Variants in GRM7 observed in about 807,000 individuals in gnomAD.
GRM7 encodes the protein glutamate metabotropic receptor 7, also known as metabotropic glutamate receptor 7.
A neutral mutation model predicts 84.5 loss-of-function variants in GRM7; 35 were observed. The observed-to-expected ratio is 0.41, with a 90% CI of 0.32 to 0.55. GRM7 has a LOEUF of 0.55. Among genes scored for constraint, GRM7 ranks in the 20% least tolerant of loss-of-function variants. The probability of loss-of-function intolerance (pLI) is 0.19; values close to 1 mark genes in which losing one functional copy is unlikely to be tolerated. For missense variants in GRM7, 1,003 were observed against 1,194.6 expected, an observed-to-expected ratio of 0.84 and a Z score of 2.36; for synonymous variants, 487 against 455.1, an observed-to-expected ratio of 1.07 and a Z score of -0.89.
At chr3:7,502,820 G>A (rs1460170898) in intron 7 of GRM7, among the ~76,000 whole-genome samples, 3 of 152,132 alleles carry the variant, frequency 2.0e-5, no homozygotes, top group Non-Finnish European at 2.9e-5. Context: ...AGTTTATGTT[G>A]TTGCTGTTGT....
At chr3:7,024,045 C>T (rs1174279227) in intron 1 of GRM7, among the ~76,000 whole-genome samples, 1 of 152,172 alleles carries the variant, frequency 6.6e-6, no homozygotes, top group Admixed American at 6.5e-5. Flanking sequence ...GGCCCACTCC[C>T]TTACAGGACA....
At position 7,578,753 on chromosome 3, in the gene GRM7, A is replaced by T; in HGVS notation, c.1847A>T (p.Asn616Ile). Residue 616 changes from asparagine (N) to isoleucine (I), a missense_variant, in exon 8 of 10, where the codon AAT becomes ATT. By Grantham distance (149) the Asn-to-Ile change is moderately radical. Transcript: ENST00000357716. ...IFVMATFIRYNDTPIVRASGR... is the reference protein window; with the variant it reads ...IFVMATFIRYIDTPIVRASGR... ...GTCATGGCCACTTTCATCCGCTACA[A>T]TGACACGCCCATTGTCCGGGCATCT... 1 of 1,614,004 alleles carries T rather than the reference A, an allele frequency of 6.2e-7. No homozygotes were observed. The highest frequency in any genetic ancestry group is 8.5e-7 in the Non-Finnish European group (1 of 1,179,958).
chr3:7,368,589 C>T (rs1464857833), intron 4 of GRM7, among the ~76,000 whole-genome samples: 1 of 151,900 alleles, frequency 6.6e-6, no homozygotes, highest in Admixed American at 6.6e-5. Context: ...TTATGGTATT[C>T]CTTAGGGAGC....
chr3:7,050,599 C>A (rs1215443986), intron 1 of GRM7, among the ~76,000 whole-genome samples: 1 of 151,866 alleles, frequency 6.6e-6, no homozygotes, highest in African/African-American at 2.4e-5. Context: ...CATGCATTTA[C>A]TTTCAAAGGT....
At chr3:6,880,308 A>G (rs1695462006) in intron 1 of GRM7, among the ~76,000 whole-genome samples, 1 of 152,180 alleles carries the variant, frequency 6.6e-6, no homozygotes, top group South Asian at 2.1e-4. Context: ...CAAAGGGTGC[A>G]ATTACATAAT....
chr3:7,726,435 A>AGTAAAAT (rs1205191456), intron 9 of GRM7, among the ~76,000 whole-genome samples: 1 of 151,746 alleles, frequency 6.6e-6, no homozygotes, highest in African/African-American at 2.4e-5. Context: ...AAATGTACAA[A>AGTAAAAT]GTAAAATGTA....
chr3:7,384,203 AT>A (rs1415447324), intron 4 of GRM7, among the ~76,000 whole-genome samples: 1 of 151,902 alleles, frequency 6.6e-6, no homozygotes, highest in Non-Finnish European at 1.5e-5. Flanking sequence ...TAATTTTTAC[AT>A]TTTTAGTAGA....
intron 1 of GRM7, among the ~76,000 whole-genome samples, chr3:6,972,612 G>A (rs1693803206): frequency 6.6e-6 from 1 of 152,186 alleles, no homozygotes; most frequent in South Asian, 2.1e-4. Context: ...ACTTGTGAAA[G>A]GAAAAGAGAG....
chr3:7,058,452 ATTAC>A (rs1300750595), intron 1 of GRM7, among the ~76,000 whole-genome samples: 2 of 151,824 alleles, frequency 1.3e-5, no homozygotes, highest in Non-Finnish European at 2.9e-5. Flanking sequence ...AGAGGAACAA[ATTAC>A]TTATGCTTCT....
chr3:7,312,456 G>A (rs1372264415), intron 4 of GRM7, among the ~76,000 whole-genome samples: 2 of 152,076 alleles, frequency 1.3e-5, no homozygotes, highest in African/African-American at 2.4e-5. Flanking sequence ...AGAGCCATGT[G>A]GGAAAGTGTC....
intron 7 of GRM7, among the ~76,000 whole-genome samples, chr3:7,531,445 C>T (rs986450209): frequency 6.6e-6 from 1 of 152,118 alleles, no homozygotes; most frequent in Non-Finnish European, 1.5e-5. Context: ...TATCCATGAG[C>T]ATGGAATGTT....
chr3:7,367,183 C>A (rs542359026), intron 4 of GRM7, among the ~76,000 whole-genome samples: 1 of 151,588 alleles, frequency 6.6e-6, no homozygotes, highest in South Asian at 2.1e-4. Flanking sequence ...ATCCTAAAAT[C>A]ATCTAAAATT....
At chr3:7,345,858 T>G (rs552960085) in intron 4 of GRM7, among the ~76,000 whole-genome samples, 4 of 151,916 alleles carry the variant, frequency 2.6e-5, no homozygotes, top group African/African-American at 9.7e-5. Flanking sequence ...TTGGAAGATG[T>G]TTTTAAGCTT....
chr3:6,909,015 C>T (rs902854197), intron 1 of GRM7, among the ~76,000 whole-genome samples: 3 of 152,054 alleles, frequency 2.0e-5, no homozygotes, highest in Admixed American at 1.3e-4. Flanking sequence ...CCATGTTGCA[C>T]GTATGTCCAG....
intron 1 of GRM7, among the ~76,000 whole-genome samples, chr3:6,876,085 T>G (rs1313974530): frequency 1.3e-5 from 2 of 152,070 alleles, no homozygotes; most frequent in Non-Finnish European, 2.9e-5. Context: ...CTGGCCAACA[T>G]GGTGAAACCC....
At chr3:7,484,613 T>C (rs752509637) in intron 7 of GRM7, among the ~76,000 whole-genome samples, 52 of 152,342 alleles carry the variant, frequency 3.4e-4, no homozygotes, top group Non-Finnish European at 6.9e-4. Flanking sequence ...CATGCATTCC[T>C]TTATTCAGTT....
At chr3:7,109,536 T>C (rs1351041966) in intron 1 of GRM7, among the ~76,000 whole-genome samples, 1 of 152,106 alleles carries the variant, frequency 6.6e-6, no homozygotes, top group African/African-American at 2.4e-5. Context: ...TCATTGCCAG[T>C]AGACTTACTG....
At chr3:7,397,610 A>C (rs191988627) in intron 4 of GRM7, among the ~76,000 whole-genome samples, 27 of 152,292 alleles carry the variant, frequency 1.8e-4, no homozygotes, top group African/African-American at 6.3e-4. Context: ...TGCACACTCC[A>C]ATTACCCTAA....
chr3:7,019,884 C>T (rs28371934), intron 1 of GRM7, among the ~76,000 whole-genome samples: 2,277 of 152,274 alleles, frequency 0.015, 49 homozygotes, highest in African/African-American at 0.053. Flanking sequence ...TTTTAGAGCA[C>T]CTACTATATG....
Sources: allele counts gnomAD v4.1 joint callset (sites outside exome capture counted in the v4.1 genomes callset), GRCh38; gene constraint gnomAD v4.1.1; transcripts MANE v1.5; gene names NCBI Gene and HGNC (gene_info 2026-07-23, HGNC 2026-07-21).